The following SND1 variants were observed in gnomAD, a reference collection of about 807,000 sequenced individuals.
SND1 encodes the protein staphylococcal nuclease domain-containing protein 1.
In SND1, 38 loss-of-function variants were observed where a neutral mutation model predicts 121.7. The ratio of observed to expected loss-of-function variants is 0.31; its 90% CI spans 0.24 to 0.41. SND1 has a LOEUF of 0.41. Ranked by LOEUF, SND1 falls within the 10% of genes least tolerant of loss-of-function variation. SND1 has a pLI of 1.00. For missense variants in SND1, 868 were observed against 1,184.6 expected (o/e 0.73, Z 3.92); for synonymous variants, 401 against 447.4 (o/e 0.90, Z 1.31).
intron 14 of SND1, among the ~76,000 whole-genome samples, chr7:127,905,474 A>G (rs905469415): frequency 6.6e-6 from 1 of 152,186 alleles, no homozygotes; most frequent in Non-Finnish European, 1.5e-5. Context: ...TTTAGTCAAC[A>G]AGTATTTGTT....
chr7:127,778,445 C>G, intron 10 of SND1, among the ~76,000 whole-genome samples: 1 of 152,164 alleles, frequency 6.6e-6, no homozygotes, highest in East Asian at 1.9e-4. Flanking sequence ...GATCTGCCCA[C>G]CTTGGCCTCC....
chr7:128,072,744 C>T (rs997304601), intron 16 of SND1, among the ~76,000 whole-genome samples: 1 of 152,122 alleles, frequency 6.6e-6, no homozygotes, highest in Non-Finnish European at 1.5e-5. Flanking sequence ...GGAGGAGGCG[C>T]TCAGTCTTCC....
chr7:127,997,220 C>T (rs896976060), intron 16 of SND1, among the ~76,000 whole-genome samples: 1 of 152,138 alleles, frequency 6.6e-6, no homozygotes, highest in Non-Finnish European at 1.5e-5. Flanking sequence ...GCTTTTTCTC[C>T]TCAAATCATG....
At chr7:128,020,065 C>A (rs1349282724) in intron 16 of SND1, among the ~76,000 whole-genome samples, 1 of 152,218 alleles carries the variant, frequency 6.6e-6, no homozygotes, top group Non-Finnish European at 1.5e-5. Flanking sequence ...TACTACCCTG[C>A]ACTCTTGTAG....
chr7:127,948,431 A>G (rs1412787976), intron 15 of SND1, among the ~76,000 whole-genome samples: 1 of 152,244 alleles, frequency 6.6e-6, no homozygotes, highest in Non-Finnish European at 1.5e-5. Flanking sequence ...CAGTAAATTG[A>G]GTTGATTAAA....
chr7:127,697,524 T>C (rs1015600910), intron 3 of SND1, among the ~76,000 whole-genome samples: 1 of 152,212 alleles, frequency 6.6e-6, no homozygotes, highest in African/African-American at 2.4e-5. Flanking sequence ...CCTTAATTGT[T>C]GAGTCCTTCC....
At chr7:127,995,288 G>A (rs550832801) in intron 16 of SND1, among the ~76,000 whole-genome samples, 16 of 152,330 alleles carry the variant, frequency 1.1e-4, no homozygotes, top group African/African-American at 3.8e-4. Flanking sequence ...TCTGTTGGCT[G>A]TAGCTGTGAC....
chr7:127,789,419 A>G (rs1797870797), intron 10 of SND1, among the ~76,000 whole-genome samples: 1 of 152,240 alleles, frequency 6.6e-6, no homozygotes. Flanking sequence ...ATTAAATCTG[A>G]GTTCATAATT....
chr7:127,859,791 GT>G (rs1322096671), intron 12 of SND1, among the ~76,000 whole-genome samples: 2 of 152,146 alleles, frequency 1.3e-5, no homozygotes, highest in African/African-American at 4.8e-5. Flanking sequence ...TGGCATTAGT[GT>G]TTTAAGTGGT....
intron 13 of SND1, among the ~76,000 whole-genome samples, chr7:127,894,124 A>AG (rs376503810): frequency 2.0e-3 from 298 of 152,238 alleles, no homozygotes; most frequent in African/African-American, 6.9e-3. Context: ...GCTATTATTA[A>AG]GAGGGATTCA....
chr7:127,901,800 T>A (rs566305772), intron 13 of SND1, among the ~76,000 whole-genome samples: 109 of 152,326 alleles, frequency 7.2e-4, no homozygotes, highest in South Asian at 1.2e-3. Flanking sequence ...AACAGTAATA[T>A]TTTAAGTGTG....
intron 15 of SND1, among the ~76,000 whole-genome samples, chr7:127,970,988 G>C (rs939062135): frequency 7.2e-5 from 11 of 152,052 alleles, no homozygotes; most frequent in Admixed American, 7.2e-4. Flanking sequence ...TAAAAATCCT[G>C]ATAAGGCCCC....
intron 18 of SND1, 152 bp from the exon 19 acceptor site, chr7:128,084,572 G>A: frequency 1.4e-6 from 1 of 695,764 alleles, no homozygotes; most frequent in Non-Finnish European, 2.2e-6. Context: ...AGACCAAGAG[G>A]GCTTCCCCGC....
rs1364702038 is a variant in SND1, at chr7:127,701,164, C to T, written c.430C>T (p.Pro144Ser). Residue 144 changes from proline (P) to serine (S), a missense_variant and splice_region_variant, in exon 5 of 24, where the codon CCT (proline) becomes TCT (serine). Pro to Ser is a moderately conservative substitution (Grantham distance 74). This residue lies in a region of SND1 where 743 missense variants were observed against 1,071.3 expected (regional missense o/e 0.69). Transcript: ENST00000354725. ...TCTTGTTTATTTTTTATGTCCCAGT[C>T]CTGAGCAGAACCGGCTTTCAGAATG... ...TRREGMRANN[P>S]EQNRLSECEE... 3 of 1,613,740 alleles carry T rather than the reference C, an allele frequency of 1.9e-6. No homozygotes were observed. In the South Asian group the frequency reaches 3.3e-5, roughly 18 times the overall value.
chr7:128,030,722 T>G, intron 16 of SND1: 2 of 1,466,462 alleles, frequency 1.4e-6, no homozygotes, highest in Non-Finnish European at 1.8e-6. Flanking sequence ...TTAAGTGAGC[T>G]AGGAGCTCCT....
chr7:127,716,653 T>A (rs553770219), intron 9 of SND1, among the ~76,000 whole-genome samples: 11 of 152,352 alleles, frequency 7.2e-5, no homozygotes, highest in Admixed American at 1.3e-4. Flanking sequence ...ATAATTTTAT[T>A]TCTTTCCTTC....
At chr7:127,923,577 C>T (rs1281229503) in intron 14 of SND1, among the ~76,000 whole-genome samples, 1 of 152,200 alleles carries the variant, frequency 6.6e-6, no homozygotes, top group Non-Finnish European at 1.5e-5. Flanking sequence ...TGCTGTATAA[C>T]TGGCTCTTCA....
chr7:128,052,056 G>A lies in SND1; in HGVS notation c.1780-22446G>A, dbSNP rs1025800738. 2.0e-5 allele frequency among the ~76,000 whole-genome samples: 3 copies of A among 152,200 alleles called. No individual in the cohort carries two copies. The highest frequency in any genetic ancestry group is 6.5e-5 in the Admixed American group (1 of 15,282). ...GAAATGGGCTTCTTTGAAGGAGATC[G>A]AAGTTGATAGACACCGATATCAGAG... On this transcript the variant is annotated intron_variant, in intron 16 of 23. Coordinates refer to ENST00000354725, the MANE Select transcript of SND1 (RefSeq NM_014390.4). This position sits in a 1 kb window ranked among gnomAD's most constrained non-coding sequence, Gnocchi z 4.6.
chr7:127,786,791 G>C (rs1353424014), intron 10 of SND1, among the ~76,000 whole-genome samples: 3 of 151,912 alleles, frequency 2.0e-5, no homozygotes, highest in Non-Finnish European at 4.4e-5. Flanking sequence ...CTACAGGCGC[G>C]CGCCACCATG....
Sources: gnomAD v4.1 joint callset for allele counts (sites outside exome capture counted in the v4.1 genomes callset) on GRCh38, gnomAD v4.1.1 for gene constraint, gnomAD v4.1.1 regional missense constraint, Gnocchi (gnomAD v3.1) non-coding constraint, MANE v1.5 for transcripts, NCBI Gene and HGNC (gene_info 2026-07-23, HGNC 2026-07-21) for gene names.